The following ADD2 variants were observed in gnomAD, a reference collection of about 807,000 sequenced individuals.
The protein encoded by ADD2 is beta-adducin.
ADD2 carries 23 observed loss-of-function variants against 83.0 expected under a neutral mutation model. That is an observed-to-expected ratio of 0.28 (90% CI 0.20 to 0.39). The LOEUF (loss-of-function observed/expected upper bound fraction) is 0.39, where lower values mean the gene tolerates loss of function less well. ADD2 is among the 10% of genes least tolerant of loss of function. The pLI is 1.00. For missense variants in ADD2, 758 were observed against 944.9 expected (o/e 0.80, Z 2.59); for synonymous variants, 375 against 375.4 (o/e 1.00, Z 0.01).
chr2:70,709,672 T>C (rs1007286593), intron 2 of ADD2, among the ~76,000 whole-genome samples: 43 of 152,230 alleles, frequency 2.8e-4, no homozygotes, highest in Non-Finnish European at 4.4e-4. Context: ...TGGAGACAGA[T>C]ACATTCGTGT....
intron 1 of ADD2, among the ~76,000 whole-genome samples, chr2:70,734,586 C>A (rs1038666468): frequency 6.6e-5 from 10 of 152,108 alleles, no homozygotes; most frequent in African/African-American, 2.4e-4. Flanking sequence ...GAAGGGAGAA[C>A]TGAAATGGAA....
intron 13 of ADD2, 178 bp from the exon 14 acceptor site, chr2:70,675,003 T>C (rs1670062744): frequency 1.3e-5 from 17 of 1,340,184 alleles, no homozygotes; most frequent in Non-Finnish European, 1.5e-5. Context: ...TCCCCATTGC[T>C]ACCTTACCCC....
At chr2:70,748,904 G>C (rs958584049) in intron 1 of ADD2, among the ~76,000 whole-genome samples, 1 of 152,162 alleles carries the variant, frequency 6.6e-6, no homozygotes, top group Admixed American at 6.5e-5. Flanking sequence ...GCAGCATTGA[G>C]CTATATAAGT....
chr2:70,687,848 C>A (rs980102247), intron 9 of ADD2, among the ~76,000 whole-genome samples, 176 bp downstream of exon 9: 4 of 152,190 alleles, frequency 2.6e-5, no homozygotes, highest in African/African-American at 4.8e-5. Flanking sequence ...AGAACTAATC[C>A]TAAGTGTGAA....
rs1055631314 is a variant in ADD2, at chr2:70,676,988, G to A, written c.1504-103C>T. 1 of 1,503,338 alleles carries A rather than the reference G, an allele frequency of 6.7e-7. No individual in the cohort carries two copies. Among genetic ancestry groups the A allele is most frequent in the Non-Finnish European group, 8.9e-7 (1 of 1,122,520 alleles). 93.1% of individuals were successfully genotyped at this position (1,503,338 alleles called of 1,614,324 possible). A position where few individuals can be genotyped will look rare whatever the true frequency, so the allele number is the denominator to read the frequency against. On this transcript the variant is annotated intron_variant, in intron 12 of 15. Coordinates refer to ENST00000264436, the MANE Select transcript of ADD2 (RefSeq NM_001617.4). The surrounding 1 kb of genome is among the most constrained non-coding windows in gnomAD (Gnocchi z 4.8). ...GCCTGGGGTCTAGAAAGGTCCTCTA[G>A]CGGTGTGGGAGCCCGTCACCTATCC... is the stretch of plus-strand genomic sequence containing the variant.
chr2:70,676,976 A>C lies in ADD2; in HGVS notation c.1504-91T>G. ...GCATACGGGTGTGCCTGGGGTCTAG[A>C]AAGGTCCTCTAGCGGTGTGGGAGCC... On this transcript the variant is annotated intron_variant, in intron 12 of 15. Transcript: ENST00000264436. This position sits in a 1 kb window ranked among gnomAD's most constrained non-coding sequence, Gnocchi z 4.8. 6.5e-7 allele frequency: 1 copy of C among 1,537,808 alleles called. No homozygotes were observed. Among genetic ancestry groups the C allele is most frequent in the Non-Finnish European group, 8.8e-7 (1 of 1,138,466 alleles).
chr2:70,701,637 T>C (rs538594760), intron 4 of ADD2, among the ~76,000 whole-genome samples: 45 of 152,200 alleles, frequency 3.0e-4, no homozygotes, highest in African/African-American at 1.1e-3. Flanking sequence ...TGAGATGATA[T>C]TAAAATTTAA....
chr2:70,747,596 G>A (rs1234010406), intron 1 of ADD2, among the ~76,000 whole-genome samples: 1 of 151,998 alleles, frequency 6.6e-6, no homozygotes, highest in Non-Finnish European at 1.5e-5. Context: ...CATGCTATAT[G>A]CCTTCCTATC....
chr2:70,664,599 G>A (rs538188971), intron 15 of ADD2, among the ~76,000 whole-genome samples: 1 of 152,236 alleles, frequency 6.6e-6, no homozygotes, highest in Admixed American at 6.5e-5. Context: ...GCACAGTTAA[G>A]AAGGCTGAAG....
At chr2:70,752,171 C>G (rs2104532730) in intron 1 of ADD2, among the ~76,000 whole-genome samples, 1 of 152,218 alleles carries the variant, frequency 6.6e-6, no homozygotes, top group South Asian at 2.1e-4. Flanking sequence ...CCCTAATTCT[C>G]TAAGCATATC....
Position 70,768,186 on chromosome 2 carries a change from C to G in ADD2, c.-454G>C. 1.7e-6 allele frequency: 1 copy of G among 584,434 alleles called. No homozygotes were observed. The highest frequency in any genetic ancestry group is 2.1e-5 in the South Asian group (1 of 47,426). 36.2% of individuals were successfully genotyped at this position (584,434 alleles called of 1,614,324 possible). A position where few individuals can be genotyped will look rare whatever the true frequency, so the allele number is the denominator to read the frequency against. On this transcript the variant is annotated 5_prime_UTR_variant, in exon 1 of 16. Transcript: ENST00000264436. The stretch of plus-strand genomic sequence containing the variant: ...AATTAAAGCCATTTCCCGCACGAGG[C>G]TGGGAGGAAATGAGAGCTCTCCTGG...
intron 11 of ADD2, 111 bp from the exon 12 acceptor site, chr2:70,677,988 G>A: frequency 7.0e-7 from 1 of 1,430,696 alleles, no homozygotes; most frequent in Non-Finnish European, 9.7e-7. Flanking sequence ...AGGTCAGCAA[G>A]CCTACTCATA....
intron 15 of ADD2, 126 bp from the exon 16 acceptor site, chr2:70,663,861 G>C: frequency 1.0e-6 from 1 of 954,884 alleles, no homozygotes; most frequent in Non-Finnish European, 1.5e-6. Context: ...GGGCCAGCCT[G>C]ATGTTGAGGG....
Position 70,761,464 on chromosome 2 carries a change from C to T in ADD2, c.-154+6422G>A, listed in dbSNP as rs577508697. ...TCTCTACTAAAAATACAAAATTAGCCGGGCGTGGTGGCAGGTGCCTGTAAT... is the reference window on the plus strand; with the variant it reads ...TCTCTACTAAAAATACAAAATTAGCTGGGCGTGGTGGCAGGTGCCTGTAAT... On this transcript the variant is annotated intron_variant, in intron 1 of 15. Coordinates refer to ENST00000264436, the MANE Select transcript of ADD2 (RefSeq NM_001617.4). Among the ~76,000 whole-genome samples, 18 of 150,990 alleles carry T rather than the reference C, an allele frequency of 1.2e-4. No homozygotes were observed. In the South Asian group the frequency reaches 3.1e-3, roughly 26 times the overall value.
intron 1 of ADD2, among the ~76,000 whole-genome samples, chr2:70,717,341 A>T (rs1672523641): frequency 1.3e-5 from 2 of 152,192 alleles, no homozygotes; most frequent in Admixed American, 6.5e-5. Flanking sequence ...GAGAAACAAA[A>T]GGTCTACAAG....
intron 8 of ADD2, 55 bp from the exon 9 acceptor site, chr2:70,688,177 G>C: frequency 6.8e-7 from 1 of 1,462,030 alleles, no homozygotes; most frequent in South Asian, 1.2e-5. Context: ...CTTTAGTTAA[G>C]AGGGAGAGGT....
rs1553367431 is a variant in ADD2, at chr2:70,672,998, C to A, written c.1750G>T (p.Glu584Ter). 6.2e-7 allele frequency: 1 copy of A among 1,612,896 alleles called. No individual in the cohort carries two copies. Among genetic ancestry groups the A allele is most frequent in the Non-Finnish European group, 8.5e-7 (1 of 1,179,742 alleles). ...RKKLELDGEKETAPEEPGSPA... is the reference protein window; with the variant it reads ...RKKLELDGEK ...GAGCCAGGCTCTTCTGGGGCAGTTT[C>A]TTTCTCTCCTGAAAAAACAGAAAAA... Residue 584 changes from glutamate to a stop codon, truncating the protein, a stop_gained, in exon 15 of 16, where the codon GAA (glutamate) becomes TAA (stop). Coordinates refer to ENST00000264436, the MANE Select transcript of ADD2 (RefSeq NM_001617.4). LOFTEE classifies it high-confidence loss of function.
intron 1 of ADD2, among the ~76,000 whole-genome samples, chr2:70,752,867 G>C (rs935437912): frequency 6.6e-6 from 1 of 152,168 alleles, no homozygotes; most frequent in Non-Finnish European, 1.5e-5. Context: ...AAACTCTCAG[G>C]CCCCACTCCA....
chr2:70,766,528 T>G (rs1209617928), intron 1 of ADD2, among the ~76,000 whole-genome samples: 1 of 152,240 alleles, frequency 6.6e-6, no homozygotes, highest in Non-Finnish European at 1.5e-5. Flanking sequence ...CAGATTCATT[T>G]AAAACACTTT....
Sources: allele counts gnomAD v4.1 joint callset (sites outside exome capture counted in the v4.1 genomes callset), GRCh38; gene constraint gnomAD v4.1.1; non-coding constraint Gnocchi (gnomAD v3.1); transcripts MANE v1.5; gene names NCBI Gene and HGNC (gene_info 2026-07-23, HGNC 2026-07-21).